The following F8 variants were observed in gnomAD, a reference collection of about 807,000 sequenced individuals.
F8 encodes the protein antihemophilic factor.
F8 carries 12 observed loss-of-function variants against 140.6 expected under a neutral mutation model. The ratio of observed to expected loss-of-function variants is 0.09; its 90% CI spans 0.05 to 0.14. The LOEUF is 0.14. Among genes scored for constraint, F8 ranks in the 10% least tolerant of loss-of-function variants. The pLI is 1.00. For missense variants in F8, 1,354 were observed against 1,720.7 expected, an observed-to-expected ratio of 0.79 and a Z score of 3.77; for synonymous variants, 585 against 614.6, an observed-to-expected ratio of 0.95 and a Z score of 0.71.
chrX:155,016,998 T>A (rs2073737431), intron 1 of F8, among the ~76,000 whole-genome samples: 1 of 112,426 alleles, frequency 8.9e-6, no homozygotes, highest in South Asian at 3.6e-4. Context: ...AGGGGCTGAT[T>A]AGCTGACCTT....
intron 22 of F8, among the ~76,000 whole-genome samples, chrX:154,876,415 G>A (rs1264473978): frequency 6.3e-5 from 7 of 111,294 alleles, no homozygotes; most frequent in Admixed American, 1.9e-4. Context: ...CACCGTGCCC[G>A]GCTGGAAATT....
At chrX:154,845,933 G>A (rs2072562467) in intron 25 of F8, among the ~76,000 whole-genome samples, 1 of 112,081 alleles carries the variant, frequency 8.9e-6, no homozygotes, top group South Asian at 3.7e-4. Flanking sequence ...GGCACTTAGT[G>A]CTATAAATTT....
intron 22 of F8, among the ~76,000 whole-genome samples, chrX:154,895,060 C>A (rs1271532997): frequency 8.9e-6 from 1 of 111,762 alleles, no homozygotes; most frequent in Non-Finnish European, 1.9e-5. Context: ...GTAGCTAGTA[C>A]AGGTAGAAAA....
chrX:154,865,239 GTCC>G (rs2072722922), intron 22 of F8, among the ~76,000 whole-genome samples: 2 of 110,820 alleles, frequency 1.8e-5, no homozygotes, highest in Non-Finnish European at 3.8e-5. Context: ...TGGAAAAACT[GTCC>G]TTTAAGAATG....
intron 6 of F8, among the ~76,000 whole-genome samples, chrX:154,972,988 C>T (rs2073467011): frequency 9.0e-6 from 1 of 111,624 alleles, no homozygotes; most frequent in African/African-American, 3.3e-5. Context: ...GCTGGGATTA[C>T]AGGCATGAGC....
At position 154,966,136 on chromosome X, in the gene F8, T is replaced by C. The variant is rs1051574731; in HGVS notation, c.1277A>G (p.Tyr426Cys). The C allele has an allele frequency of 1.7e-6, 2 of 1,208,420 alleles. No homozygotes were observed. Among genetic ancestry groups the C allele is most frequent in the Non-Finnish European group, 2.2e-6 (2 of 894,027 alleles). ...GCCATTGTTCAAATATTGACTTTTA[T>C]AACTTCTGTATAAGAGAAAAAAAGA... ...PLVLAPDDRSYKSQYLNNGPQ... is the reference protein window; with the variant it reads ...PLVLAPDDRSCKSQYLNNGPQ... Residue 426 changes from tyrosine to cysteine, a missense_variant, in exon 9 of 26, where the codon TAT becomes TGT. This residue lies in a region of F8 where 252 missense variants were observed against 338.5 expected (regional missense o/e 0.74). Coordinates refer to ENST00000360256, the MANE Select transcript of F8 (RefSeq NM_000132.4).
At chrX:154,861,589 C>T (rs1407517896) in intron 24 of F8, 129 bp downstream of exon 24, 4 of 855,585 alleles carry the variant, frequency 4.7e-6, no homozygotes, top group Non-Finnish European at 6.9e-6. Flanking sequence ...CATAACCAAA[C>T]TTCCTTGACA....
intron 7 of F8, among the ~76,000 whole-genome samples, chrX:154,967,716 A>G (rs1158451124): frequency 2.7e-5 from 3 of 112,395 alleles, no homozygotes; most frequent in African/African-American, 9.7e-5. Flanking sequence ...ACAATGATTG[A>G]TTGACAATGA....
Position 154,931,244 on chromosome X carries a change from C to T in F8, c.2546G>A (p.Ser849Asn). Reference sequence around the variant, plus strand: ...CCTGAAGTGTGTCATTTCAGACAGGCTGTTATTACTGTCTATTGCTCCAGG... The same window carrying T: ...CCTGAAGTGTGTCATTTCAGACAGGTTGTTATTACTGTCTATTGCTCCAGG... The part of the protein sequence containing the change: ...PSPGAIDSNN[S>N]LSEMTHFRPQ... Residue 849 changes from serine (S) to asparagine (N), a missense_variant, in exon 14 of 26, where the codon AGC (serine) becomes AAC (asparagine). By Grantham distance (46) the Ser-to-Asn change is conservative. Transcript: ENST00000360256. 1 of 1,210,317 alleles carries T rather than the reference C, an allele frequency of 8.3e-7. No individual in the cohort carries two copies. The highest frequency in any genetic ancestry group is 1.1e-6 in the Non-Finnish European group (1 of 894,555).
In F8 at chrX:154,931,440, C is replaced by T. The variant is rs1603433835; in HGVS notation, c.2350G>A (p.Asp784Asn). The T allele has an allele frequency of 8.3e-7, 1 of 1,209,371 alleles. No homozygotes were observed. Among genetic ancestry groups the T allele is most frequent in the East Asian group, 3.0e-5 (1 of 33,793 alleles). Residue 784 changes from aspartate to asparagine, a missense_variant, in exon 14 of 26, where the codon GAC (aspartate) becomes AAC (asparagine). By Grantham distance (23) the Asp-to-Asn change is conservative (BLOSUM62 1). Coordinates refer to ENST00000360256, the MANE Select transcript of F8 (RefSeq NM_000132.4). The stretch of plus-strand genomic sequence containing the variant: ...AACCAAGGGTCAGTCTTCTCTATGT[C>T]ATTTTCTGGAATTGTGGTGGCATTA... ...QFNATTIPEN[D>N]IEKTDPWFAH... is the part of the protein sequence containing the mutation.
Position 154,966,676 on chromosome X carries a change from C to T in F8, c.1021G>A (p.Ala341Thr). ...ISSHQHDGME[A>T]YVKVDSCPEE... ...GGACAGCTGTCTACTTTGACATAAG[C>T]TTCCATGCCATCTGGAGTCAGACAA... The change falls in exon 8 of 26, where the codon GCT becomes ACT. Residue 341 changes from alanine (A) to threonine (T), a missense_variant. Physicochemically the swap from Ala to Thr is moderately conservative, Grantham distance 58. Transcript: ENST00000360256. 1 of 1,211,470 alleles carries T rather than the reference C, an allele frequency of 8.3e-7. No individual in the cohort carries two copies. Among genetic ancestry groups the T allele is most frequent in the South Asian group, 1.8e-5 (1 of 56,981 alleles).
chrX:154,996,843 T>C, intron 3 of F8, 130 bp downstream of exon 3: 3 of 748,243 alleles, frequency 4.0e-6, no homozygotes, highest in Admixed American at 4.6e-5. Context: ...TATAATCTAG[T>C]AAATGTTAAG....
At chrX:154,998,303 T>C (rs1557285289) in intron 2 of F8, among the ~76,000 whole-genome samples, 1 of 113,222 alleles carries the variant, frequency 8.8e-6, no homozygotes, top group African/African-American at 3.2e-5. Flanking sequence ...TTTTGGCAGC[T>C]TCGCTGCTTT....
In F8 at chrX:154,982,409, C is replaced by T. The variant is rs1248894778; in HGVS notation, c.787+2278G>A. 3.1e-5 allele frequency among the ~76,000 whole-genome samples: 3 copies of T among 96,117 alleles called. 1 individual carries two copies. The highest frequency in any genetic ancestry group is 2.4e-4 in the Admixed American group (2 of 8,458). 83.5% of individuals were successfully genotyped at this position (96,117 alleles called of 115,157 possible). ...CCTGCAGTGAGCTGAGATTGCGCCA[C>T]TGCACTCCAGCCTGGGCGACAGCAA... On this transcript the variant is annotated intron_variant, in intron 6 of 25. Transcript: ENST00000360256.
Position 154,873,574 on chromosome X carries a change from C to T in F8, c.6430-10347G>A, listed in dbSNP as rs191847233. On this transcript the variant is annotated intron_variant, in intron 22 of 25. Coordinates refer to ENST00000360256, the MANE Select transcript of F8 (RefSeq NM_000132.4). ...GAAGAACAAAGCTAGAGGCATCATA[C>T]TTCCTGATTTCAAAATATACTACAA... 1.7e-3 allele frequency among the ~76,000 whole-genome samples: 191 copies of T among 112,020 alleles called. 1 individual carries two copies. The highest frequency in any genetic ancestry group is 2.9e-3 in the Non-Finnish European group (152 of 53,237).
intron 9 of F8, among the ~76,000 whole-genome samples, chrX:154,963,500 C>T (rs901576484): frequency 3.6e-5 from 4 of 111,480 alleles, no homozygotes; most frequent in East Asian, 2.8e-4. Flanking sequence ...TGAGTAGTGC[C>T]GCAATAAACA....
Position 154,984,691 on chromosome X carries a change from C to T in F8, c.783G>A (p.Leu261=). 8.3e-7 allele frequency: 1 copy of T among 1,201,843 alleles called. No individual in the cohort carries two copies. The highest frequency in any genetic ancestry group is 1.8e-5 in the South Asian group (1 of 56,778). The change falls in exon 6 of 26, where the codon CTG becomes CTA. Residue 261 remains leucine (L), a synonymous_variant. Transcript: ENST00000360256. ...GTTGAGCAGGTGTGTACATACCTGG[C>T]AGAGACCTGTTTACATAACCATTGA... ...HTVNGYVNRS[L]PGLIGCHRKS...
rs1557278479 is a variant in F8 at position 154,929,581 on chromosome X, A to G, written c.4209T>C (p.Asn1403=). The G allele has an allele frequency of 5.8e-6, 7 of 1,211,132 alleles. No individual in the cohort carries two copies. Among genetic ancestry groups the G allele is most frequent in the Non-Finnish European group, 7.8e-6 (7 of 895,240 alleles). ...CCTTTGCAATGGGTAATGGAGATCT[A>G]TTTGCTTGAGGGATGCTATGACTCC... ...LTRSHSIPQA[N]RSPLPIAKVS... is the part of the protein sequence containing the mutation. Residue 1403 remains asparagine, a synonymous_variant, in exon 14 of 26, where the codon AAT becomes AAC. Coordinates refer to ENST00000360256, the MANE Select transcript of F8 (RefSeq NM_000132.4).
intron 13 of F8, among the ~76,000 whole-genome samples, chrX:154,937,703 A>G (rs1557279345): frequency 9.0e-6 from 1 of 111,632 alleles, no homozygotes; most frequent in Non-Finnish European, 1.9e-5. Flanking sequence ...TAAATACCAA[A>G]GAATACACTT....
Sources: allele counts gnomAD v4.1 joint callset (sites outside exome capture counted in the v4.1 genomes callset), GRCh38; gene constraint gnomAD v4.1.1; regional missense constraint gnomAD v4.1.1; transcripts MANE v1.5; gene names NCBI Gene and HGNC (gene_info 2026-07-23, HGNC 2026-07-21).